Variants in TMEM132C observed in about 807,000 individuals in gnomAD.
The protein encoded by TMEM132C is protein phosphatase 1, regulatory subunit 152.
Under a neutral mutation model 61.4 loss-of-function variants are expected in TMEM132C, and 29 were observed. That is an observed-to-expected ratio of 0.47 (90% CI 0.35 to 0.64). The LOEUF is 0.64. Ranked by LOEUF, TMEM132C falls within the 30% of genes least tolerant of loss-of-function variation. The probability of loss-of-function intolerance (pLI) is 0.00; values close to 1 mark genes in which losing one functional copy is unlikely to be tolerated. For synonymous variants in TMEM132C, 656 were observed against 633.1 expected (o/e 1.04, Z -0.54); for missense variants, 1,408 against 1,476.9 (o/e 0.95, Z 0.76).
At chr12:128,658,548 G>T (rs1460039595) in intron 4 of TMEM132C, among the ~76,000 whole-genome samples, 1 of 151,924 alleles carries the variant, frequency 6.6e-6, no homozygotes, top group East Asian at 1.9e-4. Flanking sequence ...TTCCTTTGGA[G>T]CAGGCAGTAT....
chr12:128,553,510 C>T (rs890638917), intron 3 of TMEM132C, among the ~76,000 whole-genome samples: 6 of 152,144 alleles, frequency 3.9e-5, no homozygotes, highest in Non-Finnish European at 8.8e-5. Flanking sequence ...TGTAACTTAA[C>T]GTTGCCAAAG....
At chr12:128,377,599 G>A (rs1874235887) in intron 1 of TMEM132C, among the ~76,000 whole-genome samples, 1 of 152,190 alleles carries the variant, frequency 6.6e-6, no homozygotes, top group Non-Finnish European at 1.5e-5. Context: ...AAACAGTGCT[G>A]TGTAATGAGA....
At chr12:128,309,726 CTTTTTTTT>C (rs1212792170) in intron 1 of TMEM132C, among the ~76,000 whole-genome samples, 1 of 144,500 alleles carries the variant, frequency 6.9e-6, no homozygotes, top group African/African-American at 2.5e-5. Flanking sequence ...TCCTTTTTTT[CTTTTTTTT>C]TTTTCTTTTT....
rs552429195 is a variant in TMEM132C at position 128,403,531 on chromosome 12, T to C, written c.86-11201T>C. Among the ~76,000 whole-genome samples the C allele has an allele frequency of 2.6e-5, 4 of 152,310 alleles. No individual in the cohort carries two copies. In the South Asian group the frequency reaches 6.2e-4, roughly 24 times the overall value. ...CTGTAGTTTTAAAAGCTTGTTACTA[T>C]AACTGATGAACACATTTGAAATAAT... On this transcript the variant is annotated intron_variant, in intron 1 of 8. Transcript: ENST00000435159.
At chr12:128,541,355 A>G (rs887576597) in intron 2 of TMEM132C, among the ~76,000 whole-genome samples, 12 of 152,110 alleles carry the variant, frequency 7.9e-5, no homozygotes, top group Non-Finnish European at 4.4e-5. Context: ...AGTCTTTATA[A>G]CTAGGTATGA....
chr12:128,415,875 C>T lies in TMEM132C; in HGVS notation c.974+255C>T, dbSNP rs1868765839. Reference sequence around the variant, plus strand: ...CAAAAGGAGCAAGATGAGAGTAATCCGCCTCTCTAGACCTTCAGTTATCCT... The same window carrying T: ...CAAAAGGAGCAAGATGAGAGTAATCTGCCTCTCTAGACCTTCAGTTATCCT... On this transcript the variant is annotated intron_variant, in intron 2 of 8. Coordinates refer to ENST00000435159, the MANE Select transcript of TMEM132C (RefSeq NM_001136103.3). The surrounding 1 kb of genome is among the most constrained non-coding windows in gnomAD (Gnocchi z 5.8). 6.6e-6 allele frequency among the ~76,000 whole-genome samples: 1 copy of T among 152,062 alleles called. No individual in the cohort carries two copies. Among genetic ancestry groups the T allele is most frequent in the African/African-American group, 2.4e-5 (1 of 41,412 alleles).
chr12:128,456,845 G>C (rs900650920), intron 2 of TMEM132C, among the ~76,000 whole-genome samples: 77 of 152,146 alleles, frequency 5.1e-4, no homozygotes, highest in African/African-American at 1.6e-3. Flanking sequence ...AGCAACCACT[G>C]TCCTGATTTC....
intron 2 of TMEM132C, among the ~76,000 whole-genome samples, chr12:128,484,317 T>C (rs750933031): frequency 6.6e-6 from 1 of 151,932 alleles, no homozygotes; most frequent in Non-Finnish European, 1.5e-5. Context: ...GAATGAAACA[T>C]GGGGGAGGAA....
At chr12:128,268,090 G>A (rs1427729049) in intron 1 of TMEM132C, among the ~76,000 whole-genome samples, 2 of 152,198 alleles carry the variant, frequency 1.3e-5, no homozygotes, top group African/African-American at 4.8e-5. Flanking sequence ...GCTCTCTGCG[G>A]GTTCTCTCAA....
At chr12:128,395,131 ATAAT>A (rs1287981084) in intron 1 of TMEM132C, among the ~76,000 whole-genome samples, 1 of 151,206 alleles carries the variant, frequency 6.6e-6, no homozygotes, top group Admixed American at 6.6e-5. Context: ...TTATTGTAAC[ATAAT>A]TATTATATTA....
At chr12:128,280,540 C>T (rs905972352) in intron 1 of TMEM132C, among the ~76,000 whole-genome samples, 4 of 152,076 alleles carry the variant, frequency 2.6e-5, no homozygotes, top group Non-Finnish European at 5.9e-5. Flanking sequence ...AACTTAATAG[C>T]GTAATCACTA....
At chr12:128,352,277 T>C (rs1168671445) in intron 1 of TMEM132C, among the ~76,000 whole-genome samples, 2 of 152,134 alleles carry the variant, frequency 1.3e-5, no homozygotes, top group Non-Finnish European at 2.9e-5. Flanking sequence ...AACATGTCCT[T>C]CTTCACATGG....
At chr12:128,675,203 A>G (rs1954571526) in intron 5 of TMEM132C, among the ~76,000 whole-genome samples, 1 of 152,112 alleles carries the variant, frequency 6.6e-6, no homozygotes. Flanking sequence ...GTAAGGAAAA[A>G]GCAGATGAAG....
At chr12:128,661,845 AATATG>A (rs1225543924) in intron 4 of TMEM132C, among the ~76,000 whole-genome samples, 5 of 152,246 alleles carry the variant, frequency 3.3e-5, no homozygotes, top group Admixed American at 1.3e-4. Flanking sequence ...ATGAAAGTAC[AATATG>A]ATATATTTAC....
At chr12:128,431,098 A>C (rs898112398) in intron 2 of TMEM132C, among the ~76,000 whole-genome samples, 1 of 152,240 alleles carries the variant, frequency 6.6e-6, no homozygotes, top group African/African-American at 2.4e-5. Flanking sequence ...TTGCGAACGC[A>C]AAGGAAAGTT....
intron 2 of TMEM132C, among the ~76,000 whole-genome samples, chr12:128,468,127 A>G (rs546789862): frequency 4.9e-4 from 74 of 152,228 alleles, no homozygotes; most frequent in Admixed American, 1.8e-3. Flanking sequence ...CAGTGAATGC[A>G]TGTTGAGCAG....
intron 8 of TMEM132C, among the ~76,000 whole-genome samples, chr12:128,703,022 G>GC (rs1954814316): frequency 6.6e-6 from 1 of 152,186 alleles, no homozygotes; most frequent in Non-Finnish European, 1.5e-5. Flanking sequence ...ATGGGCTCTG[G>GC]CAGTGGTTGT....
rs955800347 is a variant in TMEM132C, at chr12:128,415,454, G to A, written c.808G>A (p.Gly270Ser). 9.7e-6 allele frequency: 15 copies of A among 1,551,502 alleles called. No homozygotes were observed. The highest frequency in any genetic ancestry group is 1.4e-5 in the African/African-American group (1 of 73,032). Residue 270 changes from glycine to serine, a missense_variant, in exon 2 of 9, where the codon GGC (glycine) becomes AGC (serine). Coordinates refer to ENST00000435159, the MANE Select transcript of TMEM132C (RefSeq NM_001136103.3). This position sits in a 1 kb window ranked among gnomAD's most constrained non-coding sequence, Gnocchi z 5.8. ...AACCACGTCCCACCTGCAGAGGATC[G>A]GCACCGTCGGCCTTTACCGGGCCCA... ...EETTSHLQRI[G>S]TVGLYRAQDS... is the part of the protein sequence containing the mutation.
chr12:128,671,684 G>A (rs1954533808), intron 5 of TMEM132C, among the ~76,000 whole-genome samples: 1 of 152,134 alleles, frequency 6.6e-6, no homozygotes, highest in Non-Finnish European at 1.5e-5. Context: ...TGTCCACTGG[G>A]CTCAGCGCCA....
Sources: gnomAD v4.1 joint callset for allele counts (sites outside exome capture counted in the v4.1 genomes callset) on GRCh38, gnomAD v4.1.1 for gene constraint, Gnocchi (gnomAD v3.1) non-coding constraint, MANE v1.5 for transcripts, NCBI Gene and HGNC (gene_info 2026-07-23, HGNC 2026-07-21) for gene names.